The following SGMS1 variants were observed in gnomAD, a reference collection of about 807,000 sequenced individuals.
SGMS1 encodes the protein phosphatidylcholine:ceramide cholinephosphotransferase 1.
Under a neutral mutation model 46.2 loss-of-function variants are expected in SGMS1, and 13 were observed. That is an observed-to-expected ratio of 0.28 (90% CI 0.18 to 0.45). The LOEUF (loss-of-function observed/expected upper bound fraction) is 0.45. Ranked by LOEUF, SGMS1 falls within the 20% of genes least tolerant of loss-of-function variation. SGMS1 has a pLI of 1.00. For synonymous variants in SGMS1, 203 were observed against 187.8 expected, an observed-to-expected ratio of 1.08 and a Z score of -0.66; for missense variants, 324 against 519.9, an observed-to-expected ratio of 0.62 and a Z score of 3.66.
At chr10:50,570,913 G>A (rs11006168) in intron 2 of SGMS1, among the ~76,000 whole-genome samples, 7,517 of 136,604 alleles carry the variant, frequency 0.055, 534 homozygotes, top group African/African-American at 0.16. Context: ...ACTCCAGCCC[G>A]GTCATCAGAC....
intron 6 of SGMS1, among the ~76,000 whole-genome samples, chr10:50,388,127 T>C (rs1160585522): frequency 6.6e-6 from 1 of 152,168 alleles, no homozygotes; most frequent in Non-Finnish European, 1.5e-5. Flanking sequence ...GATATGTACA[T>C]ATTTGGTAAT....
At chr10:50,575,193 G>A (rs1234042549) in intron 2 of SGMS1, among the ~76,000 whole-genome samples, 1 of 151,878 alleles carries the variant, frequency 6.6e-6, no homozygotes, top group East Asian at 1.9e-4. Flanking sequence ...TCCATACATA[G>A]TACAACATAG....
At chr10:50,439,492 C>T (rs571780812) in intron 5 of SGMS1, among the ~76,000 whole-genome samples, 44 of 152,258 alleles carry the variant, frequency 2.9e-4, no homozygotes, top group African/African-American at 9.4e-4. Flanking sequence ...CAGCACAATG[C>T]GGGCCTTCTG....
At chr10:50,356,191 C>G (rs1848145072) in intron 6 of SGMS1, among the ~76,000 whole-genome samples, 1 of 152,204 alleles carries the variant, frequency 6.6e-6, no homozygotes, top group South Asian at 2.1e-4. Context: ...ACATAGGAGA[C>G]TCCATTTTGT....
At chr10:50,557,527 C>T (rs1838198368) in intron 2 of SGMS1, among the ~76,000 whole-genome samples, 1 of 146,688 alleles carries the variant, frequency 6.8e-6, no homozygotes, top group African/African-American at 2.5e-5. Flanking sequence ...CTTTGGCAAA[C>T]AAAAATAGCT....
intron 1 of SGMS1, among the ~76,000 whole-genome samples, chr10:50,622,566 A>C (rs1326464045): frequency 6.6e-6 from 1 of 152,240 alleles, no homozygotes. Context: ...CAAGGGAGCT[A>C]AAATAGTCGA....
chr10:50,526,263 A>T (rs1837900526), intron 2 of SGMS1, among the ~76,000 whole-genome samples: 1 of 152,268 alleles, frequency 6.6e-6, no homozygotes, highest in Admixed American at 6.5e-5. Flanking sequence ...ACCTTCTTCT[A>T]ATGGCAGCAG....
At chr10:50,358,930 G>A (rs149947970) in intron 6 of SGMS1, among the ~76,000 whole-genome samples, 80 of 152,300 alleles carry the variant, frequency 5.3e-4, no homozygotes, top group African/African-American at 1.6e-3. Context: ...AGTTTCAGCT[G>A]AAGGACCTAC....
At chr10:50,352,535 A>G (rs1453250511) in intron 6 of SGMS1, among the ~76,000 whole-genome samples, 1 of 152,244 alleles carries the variant, frequency 6.6e-6, no homozygotes, top group Non-Finnish European at 1.5e-5. Context: ...AAAATTTGAG[A>G]CACAGAAGTA....
intron 1 of SGMS1, among the ~76,000 whole-genome samples, chr10:50,620,992 T>C (rs952136625): frequency 1.3e-5 from 2 of 152,102 alleles, no homozygotes; most frequent in African/African-American, 4.8e-5. Flanking sequence ...GGGACCAGCC[T>C]GGGCAACATA....
chr10:50,622,435 C>A (rs867935523), intron 1 of SGMS1, among the ~76,000 whole-genome samples: 1 of 152,250 alleles, frequency 6.6e-6, no homozygotes. Context: ...GTGGGGAGTT[C>A]ACAGCACAGC....
At chr10:50,545,569 G>A (rs904452323) in intron 2 of SGMS1, among the ~76,000 whole-genome samples, 2 of 152,100 alleles carry the variant, frequency 1.3e-5, no homozygotes, top group African/African-American at 4.8e-5. Flanking sequence ...CTGAGTAGCT[G>A]GGATTACAGG....
chr10:50,612,599 T>C (rs1564444363), intron 1 of SGMS1, among the ~76,000 whole-genome samples: 2 of 152,260 alleles, frequency 1.3e-5, no homozygotes, highest in Non-Finnish European at 2.9e-5. Flanking sequence ...TTGTTTTTAA[T>C]AGAGTCTTTC....
intron 7 of SGMS1, chr10:50,340,513 C>A (rs1847800157): frequency 6.6e-6 from 1 of 152,098 alleles, no homozygotes; most frequent in Non-Finnish European, 1.5e-5. Flanking sequence ...CAAAAAAGTT[C>A]TCAAGGACAG....
intron 2 of SGMS1, among the ~76,000 whole-genome samples, chr10:50,576,654 C>T (rs982901485): frequency 2.0e-5 from 3 of 152,204 alleles, no homozygotes; most frequent in Non-Finnish European, 2.9e-5. Flanking sequence ...AATGACAAAG[C>T]TGTTGTCTGT....
In SGMS1 at chr10:50,343,620, C is replaced by A; in HGVS notation, c.495G>T (p.Val165=). The change falls in exon 7 of 11, where the codon GTG becomes GTT. Residue 165 remains valine, a synonymous_variant. Coordinates refer to ENST00000361781, the MANE Select transcript of SGMS1 (RefSeq NM_147156.4). The stretch of plus-strand genomic sequence containing the variant: ...AAAATGTGTCCGGTAGTGGAGGCTG[C>A]ACCTCCTTAGGAGGTACTCGTTCGT... ...VVHERVPPKE[V]QPPLPDTFFD... is the part of the protein sequence containing the mutation. The A allele has an allele frequency of 6.2e-7, 1 of 1,614,116 alleles. No homozygotes were observed. Among genetic ancestry groups the A allele is most frequent in the Admixed American group, 1.7e-5 (1 of 60,022 alleles).
At chr10:50,566,467 T>G (rs1838288772) in intron 2 of SGMS1, among the ~76,000 whole-genome samples, 2 of 152,220 alleles carry the variant, frequency 1.3e-5, no homozygotes, top group African/African-American at 4.8e-5. Context: ...TTTAAATTTC[T>G]CTCTGATTCT....
At chr10:50,540,779 T>A (rs1838044976) in intron 2 of SGMS1, among the ~76,000 whole-genome samples, 1 of 152,146 alleles carries the variant, frequency 6.6e-6, no homozygotes. Context: ...CTTAAGATCA[T>A]GGGAAGTCAT....
chr10:50,372,245 C>T (rs533043227), intron 6 of SGMS1, among the ~76,000 whole-genome samples: 1 of 152,322 alleles, frequency 6.6e-6, no homozygotes, highest in South Asian at 2.1e-4. Context: ...TTGATCATAA[C>T]ATACTTATTA....
Sources: gnomAD v4.1 joint callset for allele counts (sites outside exome capture counted in the v4.1 genomes callset) on GRCh38, gnomAD v4.1.1 for gene constraint, MANE v1.5 for transcripts, NCBI Gene and HGNC (gene_info 2026-07-23, HGNC 2026-07-21) for gene names.